TRPM3: variants seen among roughly 807,000 people sequenced by gnomAD.
The protein encoded by TRPM3 is transient receptor potential cation channel subfamily M member 3, also known as long transient receptor potential channel 3.
In TRPM3, 77 loss-of-function variants were observed where a neutral mutation model predicts 181.2. The observed-to-expected ratio is 0.42, with a 90% CI of 0.35 to 0.51. The LOEUF is 0.51. Ranked by LOEUF, TRPM3 falls within the 20% of genes least tolerant of loss-of-function variation. The pLI is 0.01. For synonymous variants in TRPM3, 745 were observed against 796.4 expected, an observed-to-expected ratio of 0.94 and a Z score of 1.09; for missense variants, 1,759 against 2,196.7, an observed-to-expected ratio of 0.80 and a Z score of 3.98.
intron 1 of TRPM3, among the ~76,000 whole-genome samples, chr9:71,002,456 A>G (rs914046341): frequency 3.9e-5 from 6 of 152,242 alleles, no homozygotes; most frequent in Admixed American, 3.9e-4. Flanking sequence ...AAGAAATGAA[A>G]GACCGAGTTT....
chr9:70,898,998 A>G (rs2096341469), intron 1 of TRPM3, among the ~76,000 whole-genome samples: 1 of 152,162 alleles, frequency 6.6e-6, no homozygotes, highest in African/African-American at 2.4e-5. Context: ...CAGAAATCAT[A>G]CACTATCCAT....
intron 1 of TRPM3, among the ~76,000 whole-genome samples, chr9:70,983,958 G>GA (rs1321587222): frequency 6.6e-6 from 1 of 152,144 alleles, no homozygotes; most frequent in Non-Finnish European, 1.5e-5. Context: ...TTGTGGGTCA[G>GA]AGTTCATTTT....
chr9:70,952,751 T>C (rs552268595), intron 1 of TRPM3, among the ~76,000 whole-genome samples: 1 of 152,184 alleles, frequency 6.6e-6, no homozygotes, highest in South Asian at 2.1e-4. Context: ...TTGTGGGGGA[T>C]TGTTGGGAGA....
chr9:71,092,936 C>T (rs918196395), intron 1 of TRPM3, among the ~76,000 whole-genome samples: 2 of 151,986 alleles, frequency 1.3e-5, no homozygotes, highest in African/African-American at 4.8e-5. Context: ...CTCAGAAATA[C>T]CACCACGCAT....
intron 9 of TRPM3, among the ~76,000 whole-genome samples, chr9:70,663,534 GC>G (rs1211712309): frequency 1.3e-5 from 2 of 151,870 alleles, no homozygotes; most frequent in African/African-American, 2.4e-5. Flanking sequence ...CCTTTTCATT[GC>G]CACTATTTCC....
chr9:70,541,170 T>C, intron 25 of TRPM3, among the ~76,000 whole-genome samples: 1 of 151,984 alleles, frequency 6.6e-6, no homozygotes, highest in East Asian at 1.9e-4. Flanking sequence ...AGGTACATGG[T>C]GAGAGCCCCA....
intron 7 of TRPM3, among the ~76,000 whole-genome samples, chr9:70,776,815 C>T (rs1308495250): frequency 6.6e-6 from 1 of 152,152 alleles, no homozygotes; most frequent in Non-Finnish European, 1.5e-5. Context: ...AGGTGAGGCC[C>T]AGAAACCAAG....
chr9:71,030,416 T>C (rs1213700082), intron 1 of TRPM3, among the ~76,000 whole-genome samples: 1 of 151,908 alleles, frequency 6.6e-6, no homozygotes. Context: ...AATACAAAAA[T>C]TAGCTAAGCA....
At chr9:70,876,448 C>T (rs1449843917) in intron 1 of TRPM3, among the ~76,000 whole-genome samples, 2 of 150,852 alleles carry the variant, frequency 1.3e-5, no homozygotes, top group African/African-American at 4.9e-5. Context: ...CTATGTAGCC[C>T]ATAAATATGT....
chr9:71,117,270 C>T (rs909594391), intron 1 of TRPM3, among the ~76,000 whole-genome samples: 7 of 152,202 alleles, frequency 4.6e-5, no homozygotes, highest in Admixed American at 6.5e-5. Context: ...GTGATCACCT[C>T]GCTGCAAAAA....
intron 1 of TRPM3, among the ~76,000 whole-genome samples, chr9:71,077,676 T>A (rs2063656612): frequency 6.6e-6 from 1 of 152,012 alleles, no homozygotes; most frequent in African/African-American, 2.4e-5. Context: ...AACACCCGTT[T>A]TTACCCACAC....
intron 22 of TRPM3, among the ~76,000 whole-genome samples, chr9:70,583,270 T>G (rs2056372707): frequency 6.6e-6 from 1 of 152,216 alleles, no homozygotes; most frequent in Admixed American, 6.5e-5. Context: ...AGTCTGCACA[T>G]ACACGTGAGA....
chr9:71,352,128 G>A (rs2091674764), intron 1 of TRPM3, among the ~76,000 whole-genome samples: 2 of 152,148 alleles, frequency 1.3e-5, no homozygotes, highest in African/African-American at 4.8e-5. Flanking sequence ...ACCCACCTCA[G>A]CCTCCCAAAG....
chr9:71,392,806 C>T (rs1254478422), intron 1 of TRPM3, among the ~76,000 whole-genome samples: 2 of 152,056 alleles, frequency 1.3e-5, no homozygotes, highest in African/African-American at 4.8e-5. Flanking sequence ...TGGAGAATGG[C>T]ATTTAAGATA....
intron 1 of TRPM3, among the ~76,000 whole-genome samples, chr9:71,350,561 G>T (rs993721248): frequency 6.6e-6 from 1 of 152,122 alleles, no homozygotes; most frequent in Non-Finnish European, 1.5e-5. Flanking sequence ...CAGAATAATT[G>T]AACTGTTGAC....
At chr9:71,199,155 G>A (rs2131715672) in intron 1 of TRPM3, among the ~76,000 whole-genome samples, 1 of 151,184 alleles carries the variant, frequency 6.6e-6, no homozygotes, top group East Asian at 1.9e-4. Context: ...CTTTGGTTCT[G>A]TTTATATGCT....
chr9:71,356,025 T>A (rs931398510), intron 1 of TRPM3, among the ~76,000 whole-genome samples: 1 of 152,146 alleles, frequency 6.6e-6, no homozygotes, highest in Admixed American at 6.5e-5. Context: ...TGGGCTTCAA[T>A]GCGTTCTCAT....
At chr9:70,929,935 C>T (rs959205452) in intron 1 of TRPM3, among the ~76,000 whole-genome samples, 2 of 152,144 alleles carry the variant, frequency 1.3e-5, no homozygotes, top group Non-Finnish European at 2.9e-5. Flanking sequence ...ATGTATCAAC[C>T]AGTGGATGTA....
chr9:70,890,934 A>C (rs1270765754), intron 1 of TRPM3, among the ~76,000 whole-genome samples: 1 of 151,986 alleles, frequency 6.6e-6, no homozygotes, highest in Non-Finnish European at 1.5e-5. Context: ...ATGCATGAAA[A>C]CAACAACAAA....
Sources: gnomAD v4.1 joint callset for allele counts (sites outside exome capture counted in the v4.1 genomes callset) on GRCh38, gnomAD v4.1.1 for gene constraint, MANE v1.5 for transcripts, NCBI Gene and HGNC (gene_info 2026-07-23, HGNC 2026-07-21) for gene names.